The following NCALD variants were observed in gnomAD, a reference collection of about 807,000 sequenced individuals.
NCALD encodes neurocalcin delta.
Under a neutral mutation model 18.6 loss-of-function variants are expected in NCALD, and 10 were observed. That is an observed-to-expected ratio of 0.54 (90% CI 0.33 to 0.91). NCALD has a LOEUF of 0.91. NCALD is among the 40% of genes least tolerant of loss of function. The pLI is 0.03. For synonymous variants in NCALD, 88 were observed against 87.4 expected (o/e 1.01, Z -0.04); for missense variants, 184 against 247.6 (o/e 0.74, Z 1.72).
At chr8:101,961,148 G>GT (rs1819820650) in intron 2 of NCALD, among the ~76,000 whole-genome samples, 1 of 152,136 alleles carries the variant, frequency 6.6e-6, no homozygotes, top group Admixed American at 6.6e-5. Context: ...TAATAAATAT[G>GT]TATGGCATAA....
intron 3 of NCALD, among the ~76,000 whole-genome samples, chr8:101,911,429 C>T (rs917457438): frequency 2.0e-5 from 3 of 150,322 alleles, no homozygotes; most frequent in Non-Finnish European, 3.0e-5. Flanking sequence ...GCGATCTCGG[C>T]TCACTGCAAC....
intron 4 of NCALD, among the ~76,000 whole-genome samples, chr8:101,797,181 T>C (rs956208917): frequency 2.0e-5 from 3 of 152,242 alleles, no homozygotes; most frequent in African/African-American, 7.2e-5. Flanking sequence ...GCCCTCAACC[T>C]TGGCAAAATA....
chr8:102,084,308 T>A lies in NCALD; in HGVS notation c.-210+39929A>T, dbSNP rs529708924. Reference sequence around the variant, plus strand: ...TGTATGAGTCTGCAGCAACTTCACTTCTTGCCTCTTCAGAAGAAGTAATTT... The same window carrying A: ...TGTATGAGTCTGCAGCAACTTCACTACTTGCCTCTTCAGAAGAAGTAATTT... On this transcript the variant is annotated intron_variant, in intron 1 of 6. Transcript: ENST00000311028. 2.6e-5 allele frequency among the ~76,000 whole-genome samples: 4 copies of A among 152,326 alleles called. No homozygotes were observed. In the South Asian group the frequency reaches 8.3e-4, roughly 32 times the overall value.
At chr8:102,098,618 G>T (rs1461553986) in intron 1 of NCALD, among the ~76,000 whole-genome samples, 1 of 152,126 alleles carries the variant, frequency 6.6e-6, no homozygotes, top group Non-Finnish European at 1.5e-5. Context: ...ACTTTGGTAG[G>T]CCTCGTGTCA....
chr8:101,792,491 G>A (rs1812482805), upstream of NCALD, among the ~76,000 whole-genome samples: 1 of 152,096 alleles, frequency 6.6e-6, no homozygotes, highest in Admixed American at 6.6e-5. Flanking sequence ...AAACTATAAG[G>A]AACTTTCCTC....
intron 1 of NCALD, among the ~76,000 whole-genome samples, chr8:101,757,340 T>C (rs2130809570): frequency 6.6e-6 from 1 of 152,324 alleles, no homozygotes; most frequent in Admixed American, 6.5e-5. Flanking sequence ...ATGAGAATAC[T>C]AGGTAAAGCT....
chr8:101,937,240 G>A (rs1375774996), intron 2 of NCALD, among the ~76,000 whole-genome samples: 2 of 152,046 alleles, frequency 1.3e-5, no homozygotes, highest in Non-Finnish European at 2.9e-5. Context: ...TTGTTATATA[G>A]GTAAACTCAT....
At chr8:102,036,565 A>T (rs1392671895) in intron 1 of NCALD, among the ~76,000 whole-genome samples, 2 of 152,148 alleles carry the variant, frequency 1.3e-5, no homozygotes, top group South Asian at 2.1e-4. Flanking sequence ...ACCTGAGGTC[A>T]GGAGTTTGAG....
At chr8:101,804,395 T>G (rs1427272629) in intron 4 of NCALD, among the ~76,000 whole-genome samples, 3 of 114,770 alleles carry the variant, frequency 2.6e-5, no homozygotes, top group African/African-American at 4.1e-5. Context: ...TATATAGAAA[T>G]ATATATATTT....
rs117348571 is a variant in NCALD, at chr8:101,744,679, G to A, written c.-19-25031C>T. On this transcript the variant is annotated intron_variant, in intron 1 of 3. Transcript: ENST00000220931. The stretch of plus-strand genomic sequence containing the variant: ...ACCTATGGAAATTTCTACTAAGCAC[G>A]TGTCCCTGCCATGGGAGCAGGAAGC... Among the ~76,000 whole-genome samples, 1,210 of 152,242 alleles carry A rather than the reference G, an allele frequency of 7.9e-3. 9 individuals carry two copies. The highest frequency in any genetic ancestry group is 0.037 in the Middle Eastern group (11 of 294).
At chr8:101,752,791 AT>A (rs1397478946) in intron 1 of NCALD, among the ~76,000 whole-genome samples, 1 of 152,230 alleles carries the variant, frequency 6.6e-6, no homozygotes, top group Non-Finnish European at 1.5e-5. Flanking sequence ...TGAGCTACAA[AT>A]GTCAAATGAT....
At chr8:101,967,980 G>C (rs1050787897) in intron 2 of NCALD, among the ~76,000 whole-genome samples, 6 of 152,096 alleles carry the variant, frequency 3.9e-5, no homozygotes, top group South Asian at 2.1e-4. Flanking sequence ...GTGACACCCA[G>C]ATCACTAGCC....
In NCALD at chr8:102,014,646, T is replaced by A. The variant is rs146928455; in HGVS notation, c.-157+5591A>T. On this transcript the variant is annotated intron_variant, in intron 2 of 6. Transcript: ENST00000311028. ...ATCAATGATAATTGTTCAACTAAAT[T>A]GATAATTTAACTAGAAAATGCATTT... Among the ~76,000 whole-genome samples, 438 of 152,298 alleles carry A rather than the reference T, an allele frequency of 2.9e-3. 2 individuals are homozygous for A. The highest frequency in any genetic ancestry group is 4.8e-3 in the Admixed American group (73 of 15,300).
At chr8:101,761,519 T>C (rs1811108853) in intron 1 of NCALD, among the ~76,000 whole-genome samples, 1 of 152,190 alleles carries the variant, frequency 6.6e-6, no homozygotes, top group Admixed American at 6.5e-5. Context: ...GAAAATCTCT[T>C]GGATGAAAGT....
chr8:101,941,016 A>G (rs952725779), intron 2 of NCALD, among the ~76,000 whole-genome samples: 4 of 152,254 alleles, frequency 2.6e-5, no homozygotes, highest in African/African-American at 7.2e-5. Flanking sequence ...AACAAACCCA[A>G]CACAGCTAAG....
chr8:101,757,537 T>A (rs1810938310), intron 1 of NCALD, among the ~76,000 whole-genome samples: 1 of 152,198 alleles, frequency 6.6e-6, no homozygotes, highest in East Asian at 1.9e-4. Flanking sequence ...TGGCTGTCAT[T>A]CTTTTTATTC....
At chr8:101,730,087 A>T (rs1008808500) in intron 1 of NCALD, among the ~76,000 whole-genome samples, 20 of 152,220 alleles carry the variant, frequency 1.3e-4, no homozygotes, top group African/African-American at 4.6e-4. Flanking sequence ...AGTTTAAATC[A>T]TACGTATCCC....
chr8:101,841,953 T>C (rs1447346117), intron 4 of NCALD, among the ~76,000 whole-genome samples: 1 of 152,128 alleles, frequency 6.6e-6, no homozygotes, highest in African/African-American at 2.4e-5. Context: ...GTATATTTGC[T>C]CAGCAGGGCT....
intron 2 of NCALD, among the ~76,000 whole-genome samples, chr8:101,976,199 A>G (rs1480824761): frequency 6.6e-6 from 1 of 152,166 alleles, no homozygotes; most frequent in Non-Finnish European, 1.5e-5. Flanking sequence ...GTGCTGCACT[A>G]TCTCTAAATG....
Sources: allele counts gnomAD v4.1 joint callset (sites outside exome capture counted in the v4.1 genomes callset), GRCh38; gene constraint gnomAD v4.1.1; transcripts MANE v1.5; gene names NCBI Gene and HGNC (gene_info 2026-07-23, HGNC 2026-07-21).